ELAVL2: variants seen among roughly 807,000 people sequenced by gnomAD.
The protein encoded by ELAVL2 is ELAV-like protein 2.
Under a neutral mutation model 34.6 loss-of-function variants are expected in ELAVL2, and 4 were observed. The observed-to-expected ratio is 0.12, with a 90% CI of 0.06 to 0.26. The LOEUF is 0.26. Ranked by LOEUF, ELAVL2 falls within the 10% of genes least tolerant of loss-of-function variation. The pLI, the probability that ELAVL2 is intolerant of heterozygous loss-of-function variation, is 1.00. For missense variants in ELAVL2, 432 were observed against 442.8 expected, an observed-to-expected ratio of 0.98 and a Z score of 0.22; for synonymous variants, 193 against 154.8, an observed-to-expected ratio of 1.25 and a Z score of -1.83.
At chr9:23,817,382 T>TA (rs1345621092) in intron 1 of ELAVL2, among the ~76,000 whole-genome samples, 4 of 152,146 alleles carry the variant, frequency 2.6e-5, no homozygotes, top group Non-Finnish European at 5.9e-5. Flanking sequence ...AAAGATTTCT[T>TA]ACAACGAAAA....
chr9:23,813,921 T>C (rs1240957481), intron 1 of ELAVL2, among the ~76,000 whole-genome samples: 1 of 152,172 alleles, frequency 6.6e-6, no homozygotes, highest in Non-Finnish European at 1.5e-5. Flanking sequence ...AAGTATAGCA[T>C]TAGAGACACC....
chr9:23,756,493 G>A (rs573587501), intron 2 of ELAVL2, among the ~76,000 whole-genome samples: 1 of 152,128 alleles, frequency 6.6e-6, no homozygotes, highest in South Asian at 2.1e-4. Flanking sequence ...CATTCTTTTA[G>A]AAGAAAGGAA....
chr9:23,729,332 T>C (rs1295507584), intron 3 of ELAVL2, among the ~76,000 whole-genome samples: 3 of 152,116 alleles, frequency 2.0e-5, no homozygotes, highest in Non-Finnish European at 4.4e-5. Context: ...GCAGCAACGC[T>C]GGAAATCAAT....
At chr9:23,837,826 A>C in the ELAVL2 span, among the ~76,000 whole-genome samples, 266 of 152,326 alleles carry the variant, frequency 1.7e-3, no homozygotes, top group African/African-American at 6.0e-3. Flanking sequence ...TCATACTCTT[A>C]TACCTTGCCG....
intron 1 of ELAVL2, among the ~76,000 whole-genome samples, chr9:23,762,817 G>C (rs1238521294): frequency 5.3e-5 from 8 of 152,180 alleles, no homozygotes; most frequent in Admixed American, 2.0e-4. Context: ...AAACGTTTTT[G>C]ATGGACAATA....
the ELAVL2 span, among the ~76,000 whole-genome samples, chr9:23,832,964 T>C: frequency 5.9e-5 from 9 of 152,130 alleles, no homozygotes; most frequent in Admixed American, 4.6e-4. Context: ...CATAGGTTAG[T>C]AAGCAAATAA....
intron 1 of ELAVL2, among the ~76,000 whole-genome samples, chr9:23,817,692 A>G (rs935180260): frequency 1.3e-5 from 2 of 152,184 alleles, no homozygotes; most frequent in Non-Finnish European, 2.9e-5. Flanking sequence ...CCCTTGAAAT[A>G]AAAAATTCTT....
chr9:23,840,673 C>T, the ELAVL2 span, among the ~76,000 whole-genome samples: 1 of 152,102 alleles, frequency 6.6e-6, no homozygotes, highest in Non-Finnish European at 1.5e-5. Flanking sequence ...TACAACTTCC[C>T]GTTAGTAAAA....
At chr9:23,767,004 A>G (rs533516641) in intron 1 of ELAVL2, among the ~76,000 whole-genome samples, 210 of 152,380 alleles carry the variant, frequency 1.4e-3, no homozygotes, top group African/African-American at 4.9e-3. Context: ...CACTTGTGCC[A>G]ATTCAGACTG....
chr9:23,754,284 T>C (rs1337665532), intron 2 of ELAVL2, among the ~76,000 whole-genome samples: 2 of 152,144 alleles, frequency 1.3e-5, no homozygotes, highest in African/African-American at 4.8e-5. Context: ...CTCAAATAGA[T>C]GTTTCTTCAT....
chr9:23,761,566 T>G (rs1470331117), intron 2 of ELAVL2, among the ~76,000 whole-genome samples: 1 of 152,060 alleles, frequency 6.6e-6, no homozygotes, highest in Non-Finnish European at 1.5e-5. Flanking sequence ...ATGTGAACAT[T>G]ACCATTTATT....
intron 3 of ELAVL2, 93 bp from the exon 4 acceptor site, chr9:23,705,164 A>C: frequency 7.2e-7 from 1 of 1,388,096 alleles, no homozygotes; most frequent in Non-Finnish European, 9.8e-7. Flanking sequence ...CTTTCCCATG[A>C]ACAGCATAGA....
At chr9:23,809,794 T>C (rs1035338580) in intron 1 of ELAVL2, among the ~76,000 whole-genome samples, 2 of 152,182 alleles carry the variant, frequency 1.3e-5, no homozygotes, top group Non-Finnish European at 2.9e-5. Context: ...ATTTTGAATC[T>C]GTAATTCTTT....
At chr9:23,720,383 G>A (rs983528379) in intron 3 of ELAVL2, among the ~76,000 whole-genome samples, 6 of 149,926 alleles carry the variant, frequency 4.0e-5, no homozygotes, top group African/African-American at 1.2e-4. Context: ...TCATGTTGGC[G>A]GCCAAGCTGA....
Position 23,691,782 on chromosome 9 carries a change from G to A in ELAVL2, c.*775C>T, listed in dbSNP as rs2033268982. On this transcript the variant is annotated 3_prime_UTR_variant, in exon 7 of 7. Coordinates refer to ENST00000397312, the MANE Select transcript of ELAVL2 (RefSeq NM_004432.5). ...ATTTTCCAACCGCTGCAAATTTCCT[G>A]GTAAATTTTAAAAGCTCACTAGGTG... is the stretch of plus-strand genomic sequence containing the variant. 1 of 152,316 alleles carries A rather than the reference G, an allele frequency of 6.6e-6. No homozygotes were observed. Among genetic ancestry groups the A allele is most frequent in the African/African-American group, 2.4e-5 (1 of 41,358 alleles). The allele number at this position is 152,316 out of a possible 1,614,324, so 9.4% of individuals were successfully genotyped here. A position where few individuals can be genotyped will look rare whatever the true frequency, so the allele number is the denominator to read the frequency against.
chr9:23,834,903 G>A, the ELAVL2 span, among the ~76,000 whole-genome samples: 1 of 151,926 alleles, frequency 6.6e-6, no homozygotes, highest in African/African-American at 2.4e-5. Context: ...AAACACCTTA[G>A]ATTTTTATAG....
At chr9:23,751,963 A>G (rs1046078425) in intron 2 of ELAVL2, among the ~76,000 whole-genome samples, 1 of 152,166 alleles carries the variant, frequency 6.6e-6, no homozygotes, top group Non-Finnish European at 1.5e-5. Context: ...CTGGAAAATC[A>G]ATTATGTTGG....
chr9:23,804,212 C>T (rs560392775), intron 1 of ELAVL2, among the ~76,000 whole-genome samples: 121 of 149,896 alleles, frequency 8.1e-4, no homozygotes, highest in African/African-American at 2.8e-3. Context: ...CTCGCTCTGT[C>T]GCCCAGGCAG....
chr9:23,790,503 A>C (rs919066608), intron 1 of ELAVL2, among the ~76,000 whole-genome samples: 4 of 152,188 alleles, frequency 2.6e-5, no homozygotes, highest in African/African-American at 9.7e-5. Context: ...CACACTAAAA[A>C]CTTGAAGGAA....
Sources: allele counts gnomAD v4.1 joint callset (sites outside exome capture counted in the v4.1 genomes callset), GRCh38; gene constraint gnomAD v4.1.1; transcripts MANE v1.5; gene names NCBI Gene and HGNC (gene_info 2026-07-23, HGNC 2026-07-21).